PEAR1: variants seen among roughly 807,000 people sequenced by gnomAD.
PEAR1 encodes platelet endothelial aggregation receptor 1.
Under a neutral mutation model 131.2 loss-of-function variants are expected in PEAR1, and 113 were observed. The observed-to-expected ratio is 0.86, with a 90% confidence interval of 0.74 to 1.01. The LOEUF is 1.01. Ranked by LOEUF, PEAR1 falls within the 50% of genes least tolerant of loss-of-function variation. PEAR1 has a pLI of 0.00. For synonymous variants in PEAR1, 565 were observed against 523.3 expected, an observed-to-expected ratio of 1.08 and a Z score of -1.09; for missense variants, 1,408 against 1,391.1, an observed-to-expected ratio of 1.01 and a Z score of -0.19.
chr1:156,908,691 G>A lies in PEAR1; in HGVS notation c.1152G>A (p.Pro384=), dbSNP rs764577624. The change falls in exon 10 of 23, where the codon CCG becomes CCA. Residue 384 remains proline, a synonymous_variant. Transcript: ENST00000292357. The surrounding 1 kb of genome is among the most constrained non-coding windows in gnomAD (Gnocchi z 4.2). ...TGAACGGGGAGTGCTCCTGCCTGCC[G>A]GGCTGGGCGGGCCTCCACTGCAACG... The part of the protein sequence containing the change: ...HPMNGECSCL[P]GWAGLHCNES... 2.0e-6 allele frequency: 3 copies of A among 1,537,000 alleles called. No homozygotes were observed. Among genetic ancestry groups the A allele is most frequent in the East Asian group, 2.4e-5 (1 of 40,942 alleles).
intron 15 of PEAR1, among the ~76,000 whole-genome samples, chr1:156,911,092 TC>T (rs373651168): frequency 9.0e-4 from 101 of 112,146 alleles, no homozygotes; most frequent in African/African-American, 1.9e-3. Flanking sequence ...TTTCTTTCTT[TC>T]CTTTCTTTCT....
chr1:156,897,016 G>A (rs1479762150), intron 1 of PEAR1, among the ~76,000 whole-genome samples: 2 of 152,244 alleles, frequency 1.3e-5, no homozygotes, highest in African/African-American at 4.8e-5. Context: ...ACGGGGAGAA[G>A]CCACAGCTTC....
chr1:156,899,522 C>G, intron 1 of PEAR1, among the ~76,000 whole-genome samples: 1 of 152,124 alleles, frequency 6.6e-6, no homozygotes, highest in East Asian at 1.9e-4. Flanking sequence ...ATTCCCGGAT[C>G]ATCCTGGGGG....
At chr1:156,903,514 C>T (rs1157923595) in intron 1 of PEAR1, among the ~76,000 whole-genome samples, 2 of 152,130 alleles carry the variant, frequency 1.3e-5, no homozygotes, top group Non-Finnish European at 2.9e-5. Flanking sequence ...CACTGGGTCC[C>T]TGCCTCTGGA....
In PEAR1 at chr1:156,913,252, G is replaced by A. The variant is rs1165129767; in HGVS notation, c.2481G>A (p.Gln827=). Residue 827 remains glutamine (Q), a synonymous_variant, in exon 19 of 23, where the codon CAG becomes CAA. Transcript: ENST00000292357. ...YSNPSYHTLS[Q]CSPNPPPPNK... is the part of the protein sequence containing the mutation. Reference sequence around the variant, plus strand: ...ACCCCAGCTACCACACCCTGTCGCAGTGCTCCCCAAACCCCCCACCCCCTA... The same window carrying A: ...ACCCCAGCTACCACACCCTGTCGCAATGCTCCCCAAACCCCCCACCCCCTA... 1.9e-6 allele frequency: 3 copies of A among 1,612,700 alleles called. No individual in the cohort carries two copies. Among genetic ancestry groups the A allele is most frequent in the Non-Finnish European group, 1.7e-6 (2 of 1,179,294 alleles).
At chr1:156,904,640 T>C (rs1650030222) in intron 2 of PEAR1, 108 bp from the exon 3 acceptor site, 4 of 1,125,654 alleles carry the variant, frequency 3.6e-6, no homozygotes, top group Non-Finnish European at 5.1e-6. Context: ...AGCCCCAGCG[T>C]TGGGCTGTGG....
chr1:156,907,331 G>A (rs947928188), intron 6 of PEAR1, among the ~76,000 whole-genome samples: 2 of 152,176 alleles, frequency 1.3e-5, no homozygotes, highest in Non-Finnish European at 2.9e-5. Context: ...GATGTTCCCC[G>A]AGAGTGAACA....
intron 15 of PEAR1, 92 bp downstream of exon 15, chr1:156,910,835 A>G: frequency 6.4e-7 from 1 of 1,554,094 alleles, no homozygotes; most frequent in East Asian, 2.3e-5. Context: ...CTGGGTATAA[A>G]AGCCTCTGGG....
intron 1 of PEAR1, among the ~76,000 whole-genome samples, chr1:156,896,774 C>T (rs1019264630): frequency 3.9e-5 from 6 of 152,184 alleles, no homozygotes; most frequent in African/African-American, 7.2e-5. Context: ...GCATGCCCCT[C>T]CACCTCCAGG....
In PEAR1 at chr1:156,913,471, G is replaced by A. The variant is rs56393520; in HGVS notation, c.2592G>A (p.Leu864=). 1 of 1,613,470 alleles carries A rather than the reference G, an allele frequency of 6.2e-7. No homozygotes were observed. Among genetic ancestry groups the A allele is most frequent in the Non-Finnish European group, 8.5e-7 (1 of 1,180,020 alleles). Reference sequence around the variant, plus strand: ...AAGGGCATGATAACCACACCACCCTGCCTGCTGACTGGAAGCACCGCCGGG... The same window carrying A: ...AAGGGCATGATAACCACACCACCCTACCTGCTGACTGGAAGCACCGCCGGG... ...GAQGHDNHTT[L]PADWKHRREP... The change falls in exon 20 of 23, where the codon CTG becomes CTA. Residue 864 remains leucine (L), a synonymous_variant. Transcript: ENST00000292357.
At chr1:156,909,111 G>A in intron 11 of PEAR1, 75 bp downstream of exon 11, 1 of 1,592,810 alleles carries the variant, frequency 6.3e-7, no homozygotes, top group Non-Finnish European at 8.5e-7. Context: ...AAGAGTATGG[G>A]TGGGCCAAGG....
At position 156,908,521 on chromosome 1, in the gene PEAR1, G is replaced by A. The variant is rs1422063168; in HGVS notation, c.1116-134G>A. On this transcript the variant is annotated intron_variant, in intron 9 of 22. Transcript: ENST00000292357. This position sits in a 1 kb window ranked among gnomAD's most constrained non-coding sequence, Gnocchi z 4.2. ...GCTACTTGCCCCAACCCAGTTTTCA[G>A]AATAGCGCGGAGCCTCCCTAGTGAC... 1.4e-5 allele frequency: 17 copies of A among 1,203,678 alleles called. No homozygotes were observed. Among genetic ancestry groups the A allele is most frequent in the Admixed American group, 5.7e-5 (2 of 35,038 alleles). The allele number at this position is 1,203,678 out of a possible 1,614,324, so 74.6% of individuals were successfully genotyped here.
chr1:156,908,171 G>A lies in PEAR1; in HGVS notation c.946G>A (p.Ala316Thr), dbSNP rs765498600. 2 of 1,603,896 alleles carry A rather than the reference G, an allele frequency of 1.2e-6. No individual in the cohort carries two copies. The highest frequency in any genetic ancestry group is 1.7e-6 in the Non-Finnish European group (2 of 1,179,024). Residue 316 changes from alanine (A) to threonine (T), a missense_variant, in exon 9 of 23, where the codon GCT becomes ACT. Coordinates refer to ENST00000292357, the MANE Select transcript of PEAR1 (RefSeq NM_001080471.3). This position sits in a 1 kb window ranked among gnomAD's most constrained non-coding sequence, Gnocchi z 4.2. ...GGTGGGCCGCTTTGGGCAGGACTGT[G>A]CTGAGACGTGCGACTGCGCCCCGGA... The part of the protein sequence containing the change: ...CPVGRFGQDC[A>T]ETCDCAPDAR...
intron 14 of PEAR1, 86 bp downstream of exon 14, chr1:156,910,466 G>C: frequency 6.5e-7 from 1 of 1,537,358 alleles, no homozygotes; most frequent in African/African-American, 1.4e-5. Flanking sequence ...CCCCGCGCCC[G>C]CCGCCCACCT....
chr1:156,908,269 C>T lies in PEAR1; in HGVS notation c.1044C>T (p.Arg348=). The T allele has an allele frequency of 1.3e-6, 2 of 1,590,500 alleles. No homozygotes were observed. The highest frequency in any genetic ancestry group is 1.7e-5 in the Admixed American group (1 of 58,152). The change falls in exon 9 of 23, where the codon CGC becomes CGT. Residue 348 remains arginine, a synonymous_variant. Transcript: ENST00000292357. The surrounding 1 kb of genome is among the most constrained non-coding windows in gnomAD (Gnocchi z 4.2). ...HGFTGDRCTD[R]LCPDGFYGLS... The stretch of plus-strand genomic sequence containing the variant: ...TCACTGGGGACCGCTGCACGGATCG[C>T]CTCTGCCCCGACGGCTTCTACGGTC...
chr1:156,895,883 C>T lies in PEAR1; in HGVS notation c.-10+2046C>T, dbSNP rs552385310. 2.0e-5 allele frequency among the ~76,000 whole-genome samples: 3 copies of T among 152,290 alleles called. No individual in the cohort carries two copies. The South Asian group carries it at 6.2e-4, about 32-fold the overall frequency. On this transcript the variant is annotated intron_variant, in intron 1 of 22. Coordinates refer to ENST00000292357, the MANE Select transcript of PEAR1 (RefSeq NM_001080471.3). Reference sequence around the variant, plus strand: ...ATCTCTGGAGGCCAGGAGTTCAAGACCGGCCTGGTCAACATAATGAGATTG... The same window carrying T: ...ATCTCTGGAGGCCAGGAGTTCAAGATCGGCCTGGTCAACATAATGAGATTG...
chr1:156,906,673 A>G lies in PEAR1; in HGVS notation c.437A>G (p.Lys146Arg). ...APGMWGPQCD[K>R]PCSCGNNSSC... ...GGAATGTGGGGGCCACAGTGTGACA[A>G]GCCCTGCAGCTGCGGCAACAACAGC... is the stretch of plus-strand genomic sequence containing the variant. Residue 146 changes from lysine (K) to arginine (R), a missense_variant, in exon 6 of 23, where the codon AAG (lysine) becomes AGG (arginine). Physicochemically the swap from Lys to Arg is conservative, Grantham distance 26. Coordinates refer to ENST00000292357, the MANE Select transcript of PEAR1 (RefSeq NM_001080471.3). 1 of 1,614,180 alleles carries G rather than the reference A, an allele frequency of 6.2e-7. No individual in the cohort carries two copies. The highest frequency in any genetic ancestry group is 8.5e-7 in the Non-Finnish European group (1 of 1,180,018).
intron 1 of PEAR1, among the ~76,000 whole-genome samples, chr1:156,895,838 T>C (rs1649107052): frequency 1.3e-5 from 2 of 152,202 alleles, no homozygotes; most frequent in South Asian, 4.1e-4. Flanking sequence ...CCCAGCATTT[T>C]GGGAGGCCAA....
chr1:156,898,647 A>G (rs2102964544), intron 1 of PEAR1, among the ~76,000 whole-genome samples: 1 of 152,292 alleles, frequency 6.6e-6, no homozygotes, highest in East Asian at 1.9e-4. Flanking sequence ...CATGGCAAAG[A>G]TAGGTTAGAA....
Sources: gnomAD v4.1 joint callset for allele counts (sites outside exome capture counted in the v4.1 genomes callset) on GRCh38, gnomAD v4.1.1 for gene constraint, Gnocchi (gnomAD v3.1) non-coding constraint, MANE v1.5 for transcripts, NCBI Gene and HGNC (gene_info 2026-07-23, HGNC 2026-07-21) for gene names.